Variants in ORAI3 observed in about 807,000 individuals in gnomAD.
ORAI3 encodes the protein ORAI calcium release-activated calcium modulator 3.
In ORAI3, 15 loss-of-function variants were observed where a neutral mutation model predicts 17.2. The ratio of observed to expected loss-of-function variants is 0.87; its 90% CI spans 0.58 to 1.34. ORAI3 has a LOEUF of 1.34. Ranked by LOEUF, ORAI3 falls within the 40% of genes most tolerant of loss-of-function variation. ORAI3 has a pLI of 0.00. For missense variants in ORAI3, 405 were observed against 396.7 expected (o/e 1.02, Z -0.18); for synonymous variants, 178 against 172.4 (o/e 1.03, Z -0.25).
In ORAI3 at chr16:30,953,905, G is replaced by A. The variant is rs923683201; in HGVS notation, c.*61G>A. 14 of 1,530,810 alleles carry A rather than the reference G, an allele frequency of 9.1e-6. No homozygotes were observed. The Admixed American group carries it at 1.3e-4, about 14-fold the overall frequency. The allele number at this position is 1,530,810 out of a possible 1,614,324, so 94.8% of individuals were successfully genotyped here. On this transcript the variant is annotated 3_prime_UTR_variant, in exon 2 of 2. Coordinates refer to ENST00000318663, the MANE Select transcript of ORAI3 (RefSeq NM_152288.3). ...CTCCCTCCGGGGTCTGTAAGAGGCC[G>A]CAGGGGCCTACAGACCTCATCCCCC...
In ORAI3 at chr16:30,949,282, C is replaced by G. The variant is rs371685363; in HGVS notation, c.-8C>G. On this transcript the variant is annotated 5_prime_UTR_variant, in exon 1 of 2. Transcript: ENST00000318663. ...GTAGTGACCGCCTGGTGCCGCCCCC[C>G]CCCCAGGATGAAGGGCGGCGAGGGG... The G allele has an allele frequency of 7.1e-4, 996 of 1,396,874 alleles. 3 individuals carry two copies. The East Asian group carries it at 0.018, about 25-fold the overall frequency. The allele number at this position is 1,396,874 out of a possible 1,614,324, so 86.5% of individuals were successfully genotyped here.
chr16:30,950,210 G>T (rs898653270), intron 1 of ORAI3, among the ~76,000 whole-genome samples: 2 of 152,092 alleles, frequency 1.3e-5, no homozygotes, highest in African/African-American at 4.8e-5. Flanking sequence ...CACAGTCCTG[G>T]CTCCTCCCTG....
At chr16:30,949,565 G>A in intron 1 of ORAI3, 48 bp downstream of exon 1, 2 of 535,952 alleles carry the variant, frequency 3.7e-6, no homozygotes, top group South Asian at 3.6e-5. Flanking sequence ...GCAAGTGGGG[G>A]GCACAGGTCG....
intron 1 of ORAI3, among the ~76,000 whole-genome samples, chr16:30,950,322 A>G (rs1196968061): frequency 6.6e-6 from 1 of 152,016 alleles, no homozygotes; most frequent in African/African-American, 2.4e-5. Flanking sequence ...CAGCCAAGTA[A>G]CCGCCCCAGG....
In ORAI3 at chr16:30,949,222, C is replaced by T; in HGVS notation, c.-68C>T. 4 of 1,149,254 alleles carry T rather than the reference C, an allele frequency of 3.5e-6. No homozygotes were observed. Among genetic ancestry groups the T allele is most frequent in the South Asian group, 1.9e-5 (1 of 52,742 alleles). The allele number at this position is 1,149,254 out of a possible 1,614,324, so 71.2% of individuals were successfully genotyped here. On this transcript the variant is annotated 5_prime_UTR_variant, in exon 1 of 2. Transcript: ENST00000318663. ...AATGGGGCCGCCCCCGGGCTTGGGC[C>T]GGCCCGGCTGGGGCCCCCGAGGCGC...
chr16:30,953,076 A>G, intron 1 of ORAI3, 109 bp from the exon 2 acceptor site: 1 of 1,021,900 alleles, frequency 9.8e-7, no homozygotes. Context: ...TCTGCCAGGC[A>G]CAGTTCTAGG....
At position 30,949,198 on chromosome 16, in the gene ORAI3, ATGGGGCCGCCCCCGGGC is replaced by A. The variant is rs1267776781; in HGVS notation, c.-90_-74del. On this transcript the variant is annotated 5_prime_UTR_variant, in exon 1 of 2. It removes an upstream start codon present in the reference 5' UTR. Coordinates refer to ENST00000318663, the MANE Select transcript of ORAI3 (RefSeq NM_152288.3). Reference sequence around the variant, plus strand: ...TGCATCCTGCTCGTCCTGTCTGGGAATGGGGCCGCCCCCGGGCTTGGGCCGGCCCGGCTGGGGCCCCC... The same window carrying A: ...TGCATCCTGCTCGTCCTGTCTGGGAATTGGGCCGGCCCGGCTGGGGCCCCC... 2 of 888,848 alleles carry A rather than the reference ATGGGGCCGCCCCCGGGC, an allele frequency of 2.3e-6. No individual in the cohort carries two copies. Among genetic ancestry groups the A allele is most frequent in the Non-Finnish European group, 3.1e-6 (2 of 638,056 alleles). The allele number at this position is 888,848 out of a possible 1,614,324, so 55.1% of individuals were successfully genotyped here. A position where few individuals can be genotyped will look rare whatever the true frequency, so the allele number is the denominator to read the frequency against.
In ORAI3 at chr16:30,953,849, G is replaced by A. The variant is rs748356571; in HGVS notation, c.*5G>A. The A allele has an allele frequency of 6.2e-7, 1 of 1,600,840 alleles. No individual in the cohort carries two copies. Among genetic ancestry groups the A allele is most frequent in the South Asian group, 1.1e-5 (1 of 89,796 alleles). On this transcript the variant is annotated 3_prime_UTR_variant, in exon 2 of 2. Coordinates refer to ENST00000318663, the MANE Select transcript of ORAI3 (RefSeq NM_152288.3). ...GGGGAGCTGCAGGCTGTGTGAGACT[G>A]GTGTTAGCCACCGCTCACTGCAAGC...
At position 30,953,715 on chromosome 16, in the gene ORAI3, A is replaced by G. The variant is rs1449521716; in HGVS notation, c.759A>G (p.Val253=). Residue 253 remains valine (V), a synonymous_variant, in exon 2 of 2, where the codon GTA becomes GTG. Coordinates refer to ENST00000318663, the MANE Select transcript of ORAI3 (RefSeq NM_152288.3). The part of the protein sequence containing the change: ...QAAMASTAIM[V]PVGLVFVAFA... ...CCATGGCCTCCACAGCCATCATGGT[A>G]CCCGTGGGGCTCGTGTTTGTGGCCT... is the stretch of plus-strand genomic sequence containing the variant. The G allele has an allele frequency of 6.2e-7, 1 of 1,614,122 alleles. No homozygotes were observed. Among genetic ancestry groups the G allele is most frequent in the Non-Finnish European group, 8.5e-7 (1 of 1,180,038 alleles).
In ORAI3 at chr16:30,949,262, G is replaced by A; in HGVS notation, c.-28G>A. 7.3e-7 allele frequency: 1 copy of A among 1,376,150 alleles called. No individual in the cohort carries two copies. Among genetic ancestry groups the A allele is most frequent in the Non-Finnish European group, 9.4e-7 (1 of 1,068,582 alleles). 85.2% of individuals were successfully genotyped at this position (1,376,150 alleles called of 1,614,324 possible). A position where few individuals can be genotyped will look rare whatever the true frequency, so the allele number is the denominator to read the frequency against. On this transcript the variant is annotated 5_prime_UTR_variant, in exon 1 of 2. Coordinates refer to ENST00000318663, the MANE Select transcript of ORAI3 (RefSeq NM_152288.3). ...CCCCGAGGCGCTTCCGCCCCGTAGT[G>A]ACCGCCTGGTGCCGCCCCCCCCCCA...
At position 30,949,399 on chromosome 16, in the gene ORAI3, A is replaced by G. The variant is rs1175918395; in HGVS notation, c.110A>G (p.Asp37Gly). 5 of 1,597,528 alleles carry G rather than the reference A, an allele frequency of 3.1e-6. No individual in the cohort carries two copies. The East Asian group carries it at 9.1e-5, about 29-fold the overall frequency. ...GAGTTCGTGCACCGCGGCTACCTGG[A>G]CCTCATGGGGGCCAGTCAGCACTCG... ...YREFVHRGYLDLMGASQHSLR... is the reference protein window; with the variant it reads ...YREFVHRGYLGLMGASQHSLR... Residue 37 changes from aspartate to glycine, a missense_variant, in exon 1 of 2, where the codon GAC becomes GGC. By Grantham distance (94) the Asp-to-Gly change is moderately conservative. Coordinates refer to ENST00000318663, the MANE Select transcript of ORAI3 (RefSeq NM_152288.3).
In ORAI3 at chr16:30,954,508, A is replaced by T. The variant is rs2055942381; in HGVS notation, c.*664A>T. On this transcript the variant is annotated 3_prime_UTR_variant, in exon 2 of 2. Transcript: ENST00000318663. Reference sequence around the variant, plus strand: ...GGGATTCCTTTCTTTATTTCTGTAGAATCTATTTTATGGTTGGCATTTTGG... The same window carrying T: ...GGGATTCCTTTCTTTATTTCTGTAGTATCTATTTTATGGTTGGCATTTTGG... 1 of 189,614 alleles carries T rather than the reference A, an allele frequency of 5.3e-6. No homozygotes were observed. Among genetic ancestry groups the T allele is most frequent in the Admixed American group, 5.6e-5 (1 of 17,750 alleles). 11.7% of individuals were successfully genotyped at this position (189,614 alleles called of 1,614,324 possible).
At position 30,949,526 on chromosome 16, in the gene ORAI3, C is replaced by T; in HGVS notation, c.228+9C>T. 1 of 1,546,572 alleles carries T rather than the reference C, an allele frequency of 6.5e-7. No individual in the cohort carries two copies. ...TCTCGGGCTTCGCCATGGTGAGGGG[C>T]CGGGAGGGGTCACACCCGGTGGGGC... On this transcript the variant is annotated intron_variant, in intron 1 of 1. Coordinates refer to ENST00000318663, the MANE Select transcript of ORAI3 (RefSeq NM_152288.3).
At chr16:30,949,667 A>T in intron 1 of ORAI3, 150 bp downstream of exon 1, 1 of 670,536 alleles carries the variant, frequency 1.5e-6, no homozygotes, top group South Asian at 1.9e-5. Flanking sequence ...GGGACTGAGC[A>T]AGTCCCTTCT....
chr16:30,949,164 C>T lies in ORAI3; in HGVS notation c.-126C>T, dbSNP rs2055906924. 6.5e-6 allele frequency: 4 copies of T among 610,984 alleles called. No individual in the cohort carries two copies. In the South Asian group the frequency reaches 9.2e-5, roughly 14 times the overall value. 37.8% of individuals were successfully genotyped at this position (610,984 alleles called of 1,614,324 possible). A position where few individuals can be genotyped will look rare whatever the true frequency, so the allele number is the denominator to read the frequency against. ...CACTGGGGGTGCCTCTTCCTGGGCG[C>T]CCGCCGCCTGCATCCTGCTCGTCCT... is the stretch of plus-strand genomic sequence containing the variant. On this transcript the variant is annotated 5_prime_UTR_variant, in exon 1 of 2. Transcript: ENST00000318663.
At chr16:30,953,052 G>A (rs1440488658) in intron 1 of ORAI3, 133 bp from the exon 2 acceptor site, 3 of 783,972 alleles carry the variant, frequency 3.8e-6, no homozygotes, top group Non-Finnish European at 6.1e-6. Flanking sequence ...AACAGAGACT[G>A]AATGTCTCTG....
intron 1 of ORAI3, among the ~76,000 whole-genome samples, chr16:30,952,371 G>A (rs986807507): frequency 2.6e-5 from 4 of 152,244 alleles, no homozygotes; most frequent in Non-Finnish European, 5.9e-5. Flanking sequence ...CTGACCTCAG[G>A]TGATCCGCCC....
chr16:30,953,220 C>A lies in ORAI3; in HGVS notation c.264C>A (p.His88Gln), dbSNP rs148529724. ...AMVEVQLESD[H>Q]EYPPGLLVAF... is the part of the protein sequence containing the mutation. The stretch of plus-strand genomic sequence containing the variant: ...TGGAGGTGCAGCTGGAGAGTGACCA[C>A]GAGTACCCACCAGGCCTGCTGGTGG... The change falls in exon 2 of 2, where the codon CAC (histidine) becomes CAA (glutamine). Residue 88 changes from histidine to glutamine, a missense_variant. Coordinates refer to ENST00000318663, the MANE Select transcript of ORAI3 (RefSeq NM_152288.3). 3.8e-6 allele frequency: 6 copies of A among 1,593,258 alleles called. No individual in the cohort carries two copies. In the African/African-American group the frequency reaches 8.0e-5, roughly 21 times the overall value.
At chr16:30,949,802 A>T (rs1355738423) in intron 1 of ORAI3, 2 of 410,808 alleles carry the variant, frequency 4.9e-6, no homozygotes, top group Admixed American at 9.6e-5. Context: ...ACAGTGAGGC[A>T]GAGTGGTCCA....
Sources: gnomAD v4.1 joint callset for allele counts (sites outside exome capture counted in the v4.1 genomes callset) on GRCh38, gnomAD v4.1.1 for gene constraint, MANE v1.5 for transcripts, NCBI Gene and HGNC (gene_info 2026-07-23, HGNC 2026-07-21) for gene names.